ERBB4: variants seen among roughly 807,000 people sequenced by gnomAD.
The protein encoded by ERBB4 is erb-b2 receptor tyrosine kinase 4.
Under a neutral mutation model 158.0 loss-of-function variants are expected in ERBB4, and 42 were observed. That is an observed-to-expected ratio of 0.27 (90% CI 0.21 to 0.34). The LOEUF (loss-of-function observed/expected upper bound fraction) is 0.34. ERBB4 is among the 10% of genes least tolerant of loss of function. The pLI, the probability that ERBB4 is intolerant of heterozygous loss-of-function variation, is 1.00. For synonymous variants in ERBB4, 583 were observed against 558.7 expected (o/e 1.04, Z -0.61); for missense variants, 1,333 against 1,624.1 (o/e 0.82, Z 3.08).
intron 1 of ERBB4, among the ~76,000 whole-genome samples, chr2:212,128,704 A>G (rs2080017863): frequency 6.6e-6 from 1 of 152,182 alleles, no homozygotes. Flanking sequence ...GCTTGGTTTG[A>G]CTGAATTTGC....
intron 2 of ERBB4, among the ~76,000 whole-genome samples, chr2:212,042,585 G>A (rs1269392990): frequency 2.6e-5 from 4 of 151,920 alleles, no homozygotes; most frequent in Non-Finnish European, 4.4e-5. Context: ...CCTTCAATCT[G>A]ACTTGTCCAG....
intron 20 of ERBB4, among the ~76,000 whole-genome samples, chr2:211,460,062 CATA>C (rs1314555226): frequency 7.1e-6 from 1 of 141,626 alleles, no homozygotes; most frequent in East Asian, 2.4e-4. Flanking sequence ...CTGAAATCTC[CATA>C]ATAACCACCT....
At chr2:211,702,725 A>G (rs1247449703) in intron 11 of ERBB4, among the ~76,000 whole-genome samples, 2 of 152,170 alleles carry the variant, frequency 1.3e-5, no homozygotes, top group East Asian at 3.9e-4. Flanking sequence ...AACTAAACTA[A>G]AATTAGAAAA....
intron 19 of ERBB4, among the ~76,000 whole-genome samples, chr2:211,594,475 T>C (rs1424888151): frequency 1.3e-5 from 2 of 151,894 alleles, no homozygotes; most frequent in African/African-American, 4.8e-5. Flanking sequence ...AACTAAGCAA[T>C]AATTTGCTTT....
intron 20 of ERBB4, among the ~76,000 whole-genome samples, chr2:211,526,538 T>G (rs1330296102): frequency 6.6e-6 from 1 of 151,994 alleles, no homozygotes; most frequent in African/African-American, 2.4e-5. Context: ...CTACAAAGAC[T>G]AAAATCAATA....
intron 16 of ERBB4, among the ~76,000 whole-genome samples, chr2:211,643,231 A>G (rs2070664563): frequency 2.0e-5 from 3 of 152,154 alleles, no homozygotes. Context: ...GGTTGACCAT[A>G]GGGAATTCTG....
intron 3 of ERBB4, among the ~76,000 whole-genome samples, chr2:211,797,711 T>C (rs2076411545): frequency 6.6e-6 from 1 of 151,816 alleles, no homozygotes; most frequent in Non-Finnish European, 1.5e-5. Context: ...AAATAACACA[T>C]AAAGACAACA....
chr2:211,772,924 C>CACACACACACACACATATATATATAT (rs1181682464), intron 4 of ERBB4, among the ~76,000 whole-genome samples: 2 of 36,726 alleles, frequency 5.4e-5, no homozygotes, highest in African/African-American at 3.0e-4. Flanking sequence ...CACACACACA[C>CACACACACACACACATATATATATAT]ATATATATAT....
At chr2:211,468,485 G>C (rs534885413) in intron 20 of ERBB4, among the ~76,000 whole-genome samples, 2 of 152,140 alleles carry the variant, frequency 1.3e-5, no homozygotes, top group Admixed American at 6.6e-5. Flanking sequence ...GAACAGCACC[G>C]TGCTTATAGG....
chr2:211,840,110 C>T (rs191006091), intron 3 of ERBB4, among the ~76,000 whole-genome samples: 225 of 152,092 alleles, frequency 1.5e-3, no homozygotes, highest in African/African-American at 4.0e-3. Flanking sequence ...AATTGTAACT[C>T]CCATAATTCC....
At chr2:211,898,554 T>C (rs2079155893) in intron 3 of ERBB4, among the ~76,000 whole-genome samples, 1 of 152,196 alleles carries the variant, frequency 6.6e-6, no homozygotes, top group Non-Finnish European at 1.5e-5. Context: ...AAAACCATTT[T>C]CTGCACTTAA....
chr2:211,594,276 A>T (rs2068562751), intron 19 of ERBB4, among the ~76,000 whole-genome samples: 1 of 152,050 alleles, frequency 6.6e-6, no homozygotes, highest in Non-Finnish European at 1.5e-5. Flanking sequence ...GTCTCTACTA[A>T]AATACAAAAG....
intron 12 of ERBB4, among the ~76,000 whole-genome samples, chr2:211,691,938 G>A (rs981036458): frequency 3.3e-5 from 5 of 152,058 alleles, no homozygotes; most frequent in African/African-American, 1.2e-4. Flanking sequence ...AAGAGCTGTC[G>A]GAATCCGTTG....
At chr2:212,092,238 G>T (rs572944645) in intron 2 of ERBB4, among the ~76,000 whole-genome samples, 1 of 152,288 alleles carries the variant, frequency 6.6e-6, no homozygotes, top group East Asian at 1.9e-4. Flanking sequence ...ATAGTTATTA[G>T]AATTGTAGAA....
At chr2:211,447,385 A>G (rs1438708151) in intron 20 of ERBB4, among the ~76,000 whole-genome samples, 1 of 152,160 alleles carries the variant, frequency 6.6e-6, no homozygotes, top group African/African-American at 2.4e-5. Context: ...ATTACAAGAA[A>G]AAAAAAATAC....
At chr2:212,281,934 A>G (rs980737431) in intron 1 of ERBB4, among the ~76,000 whole-genome samples, 1 of 151,846 alleles carries the variant, frequency 6.6e-6, no homozygotes. Flanking sequence ...GCCACTCAAT[A>G]CACGATACGT....
chr2:212,536,070 C>A (rs1176392601), intron 1 of ERBB4, among the ~76,000 whole-genome samples: 1 of 152,192 alleles, frequency 6.6e-6, no homozygotes, highest in Admixed American at 6.5e-5. Flanking sequence ...CCTCTGGCAG[C>A]TTAGTTTACT....
At chr2:211,782,072 C>T (rs968510265) in intron 4 of ERBB4, among the ~76,000 whole-genome samples, 8 of 152,158 alleles carry the variant, frequency 5.3e-5, no homozygotes, top group Admixed American at 3.9e-4. Context: ...TCACTAAAAT[C>T]TCCTTAAGGG....
chr2:212,238,121 G>C (rs2083946964), intron 1 of ERBB4, among the ~76,000 whole-genome samples: 1 of 152,208 alleles, frequency 6.6e-6, no homozygotes, highest in Non-Finnish European at 1.5e-5. Flanking sequence ...GCACCACTGA[G>C]GTATGAAAAA....
Sources: gnomAD v4.1 joint callset for allele counts (sites outside exome capture counted in the v4.1 genomes callset) on GRCh38, gnomAD v4.1.1 for gene constraint, MANE v1.5 for transcripts, NCBI Gene and HGNC (gene_info 2026-07-23, HGNC 2026-07-21) for gene names.